ZBTB20: variants seen among roughly 807,000 people sequenced by gnomAD.
ZBTB20 encodes zinc finger and BTB domain-containing protein 20.
A neutral mutation model predicts 56.9 loss-of-function variants in ZBTB20; 9 were observed. That is an observed-to-expected ratio of 0.16 (90% CI 0.10 to 0.28). ZBTB20 has a LOEUF of 0.28. ZBTB20 is among the 10% of genes least tolerant of loss of function. The pLI, the probability that ZBTB20 is intolerant of heterozygous loss-of-function variation, is 1.00. For synonymous variants in ZBTB20, 417 were observed against 420.7 expected (o/e 0.99, Z 0.11); for missense variants, 655 against 1,003.0 (o/e 0.65, Z 4.69).
intron 1 of ZBTB20, among the ~76,000 whole-genome samples, chr3:115,129,723 C>T (rs1366279443): frequency 1.3e-5 from 2 of 152,102 alleles, no homozygotes; most frequent in Non-Finnish European, 2.9e-5. Context: ...GTGACAAAGG[C>T]CCAGACTTCC....
intron 3 of ZBTB20, among the ~76,000 whole-genome samples, chr3:114,907,776 G>A (rs1254581137): frequency 1.3e-5 from 2 of 151,854 alleles, no homozygotes; most frequent in East Asian, 3.8e-4. Context: ...TATGTGACAG[G>A]CATTGTTCCA....
chr3:114,745,090 A>C (rs556465828), intron 5 of ZBTB20, among the ~76,000 whole-genome samples: 1 of 152,320 alleles, frequency 6.6e-6, no homozygotes, highest in South Asian at 2.1e-4. Flanking sequence ...TATACCAAAA[A>C]TATAGACATG....
At chr3:114,741,690 T>C (rs1215432262) in intron 5 of ZBTB20, among the ~76,000 whole-genome samples, 1 of 149,476 alleles carries the variant, frequency 6.7e-6, no homozygotes, top group Admixed American at 6.7e-5. Flanking sequence ...CTGGCCAAGA[T>C]GGGGAAACCC....
At chr3:114,840,598 C>A (rs2074340542) in intron 4 of ZBTB20, among the ~76,000 whole-genome samples, 1 of 152,120 alleles carries the variant, frequency 6.6e-6, no homozygotes, top group African/African-American at 2.4e-5. Flanking sequence ...GAGCTTAAGT[C>A]AGATATAGAG....
chr3:115,026,068 T>C (rs1576594839), intron 2 of ZBTB20, among the ~76,000 whole-genome samples: 1 of 151,138 alleles, frequency 6.6e-6, no homozygotes, highest in African/African-American at 2.4e-5. Flanking sequence ...GGTATATGTC[T>C]ACACATCTAA....
At chr3:114,860,696 C>T (rs2075485423) in intron 4 of ZBTB20, among the ~76,000 whole-genome samples, 1 of 152,196 alleles carries the variant, frequency 6.6e-6, no homozygotes, top group Non-Finnish European at 1.5e-5. Flanking sequence ...TTTCACTTTA[C>T]TTCCTGCCCT....
intron 6 of ZBTB20, among the ~76,000 whole-genome samples, chr3:114,570,483 A>T (rs1021927208): frequency 3.9e-5 from 6 of 151,946 alleles, no homozygotes; most frequent in African/African-American, 1.4e-4. Context: ...TGCTAGATAG[A>T]TATTATTACT....
intron 5 of ZBTB20, among the ~76,000 whole-genome samples, chr3:114,749,504 G>A (rs1313441158): frequency 6.6e-6 from 1 of 151,552 alleles, no homozygotes; most frequent in African/African-American, 2.4e-5. Flanking sequence ...AGTGAGCCGA[G>A]ATCGCACCAT....
intron 4 of ZBTB20, among the ~76,000 whole-genome samples, chr3:114,827,298 C>T (rs1257328087): frequency 6.6e-6 from 1 of 151,542 alleles, no homozygotes; most frequent in Non-Finnish European, 1.5e-5. Flanking sequence ...CCCCTGACCT[C>T]GAATATTGCA....
rs1190202939 is a variant in ZBTB20, at chr3:114,324,242, T to C, written c.*14763A>G. ...TTTAATGTAAAGGTCAGTAGTGGTT[T>C]TTACTTAATAGTTTTCATCATGTCA... On this transcript the variant is annotated 3_prime_UTR_variant, in exon 12 of 12. Transcript: ENST00000675478. 6 of 152,216 alleles carry C rather than the reference T, an allele frequency of 3.9e-5. No individual in the cohort carries two copies. The South Asian group carries it at 1.2e-3, about 31-fold the overall frequency. The allele number at this position is 152,216 out of a possible 1,614,324, so 9.4% of individuals were successfully genotyped here.
At chr3:115,089,797 T>C (rs1372065747) in intron 1 of ZBTB20, among the ~76,000 whole-genome samples, 1 of 151,826 alleles carries the variant, frequency 6.6e-6, no homozygotes, top group East Asian at 1.9e-4. Context: ...GTGTGAAAGG[T>C]GCTTAGCAAT....
At position 115,026,909 on chromosome 3, in the gene ZBTB20, T is replaced by C. The variant is rs947385277; in HGVS notation, c.-507+44310A>G. ...TCAACCACAGGCATTTCTTCCCAGG[T>C]GTAATATAGTTATATAAAATAAACT... On this transcript the variant is annotated intron_variant, in intron 2 of 11. Coordinates refer to ENST00000675478, the MANE Select transcript of ZBTB20 (RefSeq NM_001348800.3). Among the ~76,000 whole-genome samples the C allele has an allele frequency of 2.0e-5, 3 of 150,890 alleles. No homozygotes were observed. In the Admixed American group the frequency reaches 2.0e-4, roughly 10 times the overall value.
intron 1 of ZBTB20, among the ~76,000 whole-genome samples, chr3:115,114,554 A>G (rs1442885115): frequency 1.3e-5 from 2 of 152,192 alleles, no homozygotes; most frequent in Non-Finnish European, 2.9e-5. Context: ...AAATCAATTT[A>G]AAGATTACAT....
At chr3:114,873,622 T>C (rs1402470709) in intron 4 of ZBTB20, among the ~76,000 whole-genome samples, 2 of 152,140 alleles carry the variant, frequency 1.3e-5, no homozygotes, top group Non-Finnish European at 2.9e-5. Context: ...TATTGAGAAA[T>C]AACACAAAAG....
At chr3:114,586,477 A>G (rs1406685749) in intron 6 of ZBTB20, among the ~76,000 whole-genome samples, 1 of 151,052 alleles carries the variant, frequency 6.6e-6, no homozygotes, top group East Asian at 1.9e-4. Context: ...TGGCGATGTC[A>G]CACTGACATG....
intron 2 of ZBTB20, among the ~76,000 whole-genome samples, chr3:114,985,491 G>T (rs1306619027): frequency 6.6e-6 from 1 of 152,046 alleles, no homozygotes; most frequent in Non-Finnish European, 1.5e-5. Flanking sequence ...TAATACATAA[G>T]ATTAACAACA....
At chr3:114,948,676 A>G (rs2076966610) in intron 3 of ZBTB20, among the ~76,000 whole-genome samples, 1 of 146,050 alleles carries the variant, frequency 6.8e-6, no homozygotes, top group Non-Finnish European at 1.5e-5. Flanking sequence ...GTTTTCTTAT[A>G]TAGTAACAAT....
At chr3:114,623,409 T>G (rs979836099) in intron 6 of ZBTB20, among the ~76,000 whole-genome samples, 4 of 152,190 alleles carry the variant, frequency 2.6e-5, no homozygotes, top group Non-Finnish European at 5.9e-5. Context: ...GTGAGGACAG[T>G]CATTTAGTTT....
chr3:114,823,385 T>C (rs1458580783), intron 4 of ZBTB20, among the ~76,000 whole-genome samples: 2 of 152,108 alleles, frequency 1.3e-5, no homozygotes, highest in Admixed American at 1.3e-4. Flanking sequence ...TATCATTGTC[T>C]CATGGGCATA....
Sources: allele counts gnomAD v4.1 joint callset (sites outside exome capture counted in the v4.1 genomes callset), GRCh38; gene constraint gnomAD v4.1.1; transcripts MANE v1.5; gene names NCBI Gene and HGNC (gene_info 2026-07-23, HGNC 2026-07-21).